Variants in TOGARAM2 observed in about 807,000 individuals in gnomAD.
TOGARAM2 encodes the protein TOG array regulator of axonemal microtubules protein 2.
Under a neutral mutation model 93.3 loss-of-function variants are expected in TOGARAM2, and 85 were observed. That is an observed-to-expected ratio of 0.91 (90% CI 0.76 to 1.09). The LOEUF (loss-of-function observed/expected upper bound fraction) is 1.09. TOGARAM2 is among the 50% of genes least tolerant of loss of function. The probability of loss-of-function intolerance (pLI) is 0.00; values close to 1 mark genes in which losing one functional copy is unlikely to be tolerated. For synonymous variants in TOGARAM2, 593 were observed against 552.8 expected (o/e 1.07, Z -1.02); for missense variants, 1,277 against 1,334.5 (o/e 0.96, Z 0.67).
chr2:29,051,487 C>T (rs1003664673), intron 19 of TOGARAM2: 5 of 299,254 alleles, frequency 1.7e-5, no homozygotes, highest in African/African-American at 1.1e-4. Flanking sequence ...TTGCGTGCCC[C>T]TTTCTCCATA....
At chr2:29,028,062 C>T (rs545308723) in intron 14 of TOGARAM2, among the ~76,000 whole-genome samples, 36 of 152,246 alleles carry the variant, frequency 2.4e-4, no homozygotes, top group Non-Finnish European at 4.3e-4. Context: ...AGCAGGAGAG[C>T]GAGAGGATCT....
At chr2:28,967,798 CTTTTTTTTTT>C (rs11417570) in intron 1 of TOGARAM2, among the ~76,000 whole-genome samples, 1 of 78,538 alleles carries the variant, frequency 1.3e-5, no homozygotes, top group East Asian at 4.8e-4. Flanking sequence ...ATAAGATGGT[CTTTTTTTTTT>C]TTTTTTTTTT....
intron 6 of TOGARAM2, among the ~76,000 whole-genome samples, chr2:29,009,566 CG>C (rs1418008117): frequency 6.6e-5 from 10 of 151,626 alleles, no homozygotes; most frequent in African/African-American, 2.2e-4. Flanking sequence ...GGCTAAGCCA[CG>C]GGGTAGATGT....
At position 29,035,793 on chromosome 2, in the gene TOGARAM2, C is replaced by A. The variant is rs796922041; in HGVS notation, c.2418+137C>A. 6.0e-6 allele frequency: 5 copies of A among 837,176 alleles called. 1 individual carries two copies. The highest frequency in any genetic ancestry group is 8.3e-6 in the Non-Finnish European group (5 of 602,740). The allele number at this position is 837,176 out of a possible 1,614,324, so 51.9% of individuals were successfully genotyped here. ...TTGGCCTTTGTAACATGGAGACTAC[C>A]TGGAAGTGGCTGAGTGGGCAAGGGC... On this transcript the variant is annotated intron_variant, in intron 17 of 19. Transcript: ENST00000379558.
chr2:29,039,494 T>C (rs1378606652), intron 18 of TOGARAM2, among the ~76,000 whole-genome samples: 1 of 152,184 alleles, frequency 6.6e-6, no homozygotes, highest in Non-Finnish European at 1.5e-5. Context: ...GGGGACCTTC[T>C]AGAACTCACT....
chr2:28,996,152 T>G (rs554691463), intron 2 of TOGARAM2, among the ~76,000 whole-genome samples: 1 of 152,172 alleles, frequency 6.6e-6, no homozygotes, highest in African/African-American at 2.4e-5. Flanking sequence ...ATTTTCTGGG[T>G]GTACATGTGA....
intron 3 of TOGARAM2, among the ~76,000 whole-genome samples, chr2:28,998,591 G>A (rs1241208099): frequency 1.3e-5 from 2 of 152,208 alleles, no homozygotes; most frequent in Non-Finnish European, 2.9e-5. Context: ...AGCATCTGCA[G>A]CCTGGGTCTC....
intron 19 of TOGARAM2, chr2:29,045,704 T>G: frequency 2.5e-6 from 1 of 403,742 alleles, no homozygotes; most frequent in Non-Finnish European, 4.5e-6. Flanking sequence ...ACCTGAAACT[T>G]TTTGAGCGCT....
rs752800067 is a variant in TOGARAM2 at position 29,026,879 on chromosome 2, A to T, written c.1880A>T (p.Tyr627Phe). The change falls in exon 14 of 20, where the codon TAC (tyrosine) becomes TTC (phenylalanine). Residue 627 changes from tyrosine to phenylalanine, a missense_variant. Physicochemically the swap from Tyr to Phe is conservative, Grantham distance 22 (BLOSUM62 3). Transcript: ENST00000379558. ...CACCGGAACCCCTTGATCCGGAAAT[A>T]CGCGGCTGAGCACCTCTCAGCTGTG... ...VYHRNPLIRK[Y>F]AAEHLSAVLE... 3 of 1,592,996 alleles carry T rather than the reference A, an allele frequency of 1.9e-6. No individual in the cohort carries two copies. The Admixed American group carries it at 5.2e-5, about 28-fold the overall frequency.
At chr2:29,033,150 A>T in intron 15 of TOGARAM2, 99 bp downstream of exon 15, 1 of 931,706 alleles carries the variant, frequency 1.1e-6, no homozygotes, top group Non-Finnish European at 1.7e-6. Context: ...TGGGGAGTGG[A>T]TTCCAGAGAT....
At chr2:29,022,105 G>A (rs1167920564) in intron 10 of TOGARAM2, 53 bp from the exon 11 acceptor site, 7 of 1,610,916 alleles carry the variant, frequency 4.3e-6, no homozygotes, top group Middle Eastern at 3.6e-4. Context: ...GGCCACTCGG[G>A]CTCTTGCCTG....
chr2:29,010,048 TG>T (rs1664134017), intron 6 of TOGARAM2, among the ~76,000 whole-genome samples: 1 of 150,642 alleles, frequency 6.6e-6, no homozygotes, highest in African/African-American at 2.5e-5. Context: ...TGTGTGTGTG[TG>T]TGTGTGTTGG....
chr2:29,043,565 T>C (rs1666565370), intron 18 of TOGARAM2, among the ~76,000 whole-genome samples: 1 of 149,532 alleles, frequency 6.7e-6, no homozygotes, highest in South Asian at 2.1e-4. Flanking sequence ...CGTGCTGGGC[T>C]GCTGTGGTAA....
intron 16 of TOGARAM2, among the ~76,000 whole-genome samples, chr2:29,034,650 G>A (rs990129898): frequency 1.6e-4 from 25 of 152,322 alleles, no homozygotes; most frequent in Middle Eastern, 3.4e-3. Flanking sequence ...CAGTAGTTCT[G>A]CACAGAGCTG....
chr2:29,050,209 A>T (rs76375360), intron 19 of TOGARAM2: 1 of 152,200 alleles, frequency 6.6e-6, no homozygotes, highest in African/African-American at 2.4e-5. Context: ...TTTTAAAAAA[A>T]TAACTGAGCG....
intron 13 of TOGARAM2, 126 bp from the exon 14 acceptor site, chr2:29,026,727 C>A: frequency 9.6e-7 from 1 of 1,038,068 alleles, no homozygotes; most frequent in Non-Finnish European, 1.3e-6. Context: ...CACATGGGGA[C>A]AGGTATTTTT....
At chr2:29,027,458 A>G (rs1050959475) in intron 14 of TOGARAM2, among the ~76,000 whole-genome samples, 1 of 152,172 alleles carries the variant, frequency 6.6e-6, no homozygotes, top group Non-Finnish European at 1.5e-5. Flanking sequence ...TTTTAGATAC[A>G]TATCAGGGAT....
At chr2:28,998,019 G>T in intron 2 of TOGARAM2, 124 bp from the exon 3 acceptor site, 1 of 589,182 alleles carries the variant, frequency 1.7e-6, no homozygotes. Flanking sequence ...CACATGCCTT[G>T]GTTTTTTGGG....
intron 2 of TOGARAM2, among the ~76,000 whole-genome samples, chr2:28,995,541 C>G (rs544569961): frequency 6.6e-6 from 1 of 152,198 alleles, no homozygotes; most frequent in Non-Finnish European, 1.5e-5. Flanking sequence ...ACATATGAAT[C>G]GGAAAAGACC....
Sources: gnomAD v4.1 joint callset for allele counts (sites outside exome capture counted in the v4.1 genomes callset) on GRCh38, gnomAD v4.1.1 for gene constraint, MANE v1.5 for transcripts, NCBI Gene and HGNC (gene_info 2026-07-23, HGNC 2026-07-21) for gene names.